WASF1: variants seen among roughly 807,000 people sequenced by gnomAD.
WASF1 encodes WASP family member 1, also known as actin-binding protein WASF1.
Under a neutral mutation model 50.5 loss-of-function variants are expected in WASF1, and 7 were observed. The ratio of observed to expected loss-of-function variants is 0.14; its 90% CI spans 0.08 to 0.26. The LOEUF (loss-of-function observed/expected upper bound fraction) is 0.26, where lower values mean the gene tolerates loss of function less well. WASF1 is among the 10% of genes least tolerant of loss of function. The pLI is 1.00. For missense variants in WASF1, 470 were observed against 694.7 expected, an observed-to-expected ratio of 0.68 and a Z score of 3.64; for synonymous variants, 205 against 244.0, an observed-to-expected ratio of 0.84 and a Z score of 1.49.
chr6:110,113,071 T>C (rs1478415182), intron 5 of WASF1, among the ~76,000 whole-genome samples: 1 of 152,066 alleles, frequency 6.6e-6, no homozygotes, highest in East Asian at 1.9e-4. Flanking sequence ...CTGGTTAAAA[T>C]GACTTCTTTA....
chr6:110,102,302 C>T (rs909690165), intron 9 of WASF1, 86 bp from the exon 10 acceptor site: 44 of 1,272,846 alleles, frequency 3.5e-5, no homozygotes, highest in East Asian at 8.5e-5. Flanking sequence ...AAATGACTAT[C>T]AGTAATTATA....
At chr6:110,123,087 A>T (rs78552405) in intron 4 of WASF1, among the ~76,000 whole-genome samples, 11,082 of 152,214 alleles carry the variant, frequency 0.073, 543 homozygotes, top group African/African-American at 0.14. Context: ...GTTAGAGAAG[A>T]TTATGATGTA....
chr6:110,160,958 C>T (rs9487310), intron 2 of WASF1, among the ~76,000 whole-genome samples: 2 of 151,170 alleles, frequency 1.3e-5, no homozygotes, highest in South Asian at 2.1e-4. Flanking sequence ...GAAATTATCT[C>T]GATGAAATAA....
At chr6:110,115,610 C>T (rs1041791738) in intron 4 of WASF1, among the ~76,000 whole-genome samples, 1 of 152,192 alleles carries the variant, frequency 6.6e-6, no homozygotes, top group Non-Finnish European at 1.5e-5. Flanking sequence ...CATGACAGCT[C>T]TAATTCAGGC....
intron 2 of WASF1, among the ~76,000 whole-genome samples, chr6:110,165,422 G>T (rs1253323008): frequency 6.6e-6 from 1 of 151,586 alleles, no homozygotes; most frequent in Non-Finnish European, 1.5e-5. Context: ...ACTTTCAAAT[G>T]ATTAAAATTG....
chr6:110,146,791 T>C (rs907541445), intron 3 of WASF1, among the ~76,000 whole-genome samples: 2 of 152,130 alleles, frequency 1.3e-5, no homozygotes, highest in African/African-American at 4.8e-5. Context: ...GTTTCTTGTG[T>C]AAAACCACCT....
At chr6:110,124,190 C>A (rs560438909) in intron 4 of WASF1, among the ~76,000 whole-genome samples, 50 of 108,808 alleles carry the variant, frequency 4.6e-4, no homozygotes, top group African/African-American at 1.7e-3. Context: ...GCCCCATCAG[C>A]GTCTCTCTCT....
At chr6:110,128,942 G>C (rs910273425) in intron 3 of WASF1, among the ~76,000 whole-genome samples, 7 of 152,294 alleles carry the variant, frequency 4.6e-5, no homozygotes, top group Admixed American at 4.6e-4. Flanking sequence ...AATGCCTGAT[G>C]ATCTGAGGTG....
chr6:110,134,323 C>T (rs1403876789), intron 3 of WASF1, among the ~76,000 whole-genome samples: 2 of 152,076 alleles, frequency 1.3e-5, no homozygotes, highest in African/African-American at 2.4e-5. Flanking sequence ...GTGTCCTTTC[C>T]CCACTTTATG....
At chr6:110,139,919 C>T (rs1053861254) in intron 3 of WASF1, among the ~76,000 whole-genome samples, 2 of 152,172 alleles carry the variant, frequency 1.3e-5, no homozygotes, top group African/African-American at 4.8e-5. Context: ...AATATGACCT[C>T]TCGCTCTCTC....
In WASF1 at chr6:110,142,952, T is replaced by TAAAAAAAAAAAAAAAAAAAAA. The variant is rs5879060; in HGVS notation, c.-28-15344_-28-15324dup. Among the ~76,000 whole-genome samples the TAAAAAAAAAAAAAAAAAAAAA allele has an allele frequency of 5.4e-4, 64 of 119,080 alleles. 1 individual carries two copies. The highest frequency in any genetic ancestry group is 1.8e-3 in the East Asian group (7 of 3,900). The allele number at this position is 119,080 out of a possible 152,430, so 78.1% of individuals were successfully genotyped here. The stretch of plus-strand genomic sequence containing the variant: ...AAAGTAATTTGGTTTCCCAATGATG[T>TAAAAAAAAAAAAAAAAAAAAA]AAAAAAAAAAAAAAAAAAAAACTAA... On this transcript the variant is annotated intron_variant, in intron 3 of 10. Coordinates refer to ENST00000392589, the MANE Select transcript of WASF1 (RefSeq NM_003931.3).
At chr6:110,158,803 C>T (rs1470376798) in intron 3 of WASF1, among the ~76,000 whole-genome samples, 1 of 151,918 alleles carries the variant, frequency 6.6e-6, no homozygotes. Flanking sequence ...TGGATGTCTA[C>T]TTTCTTCCCT....
intron 2 of WASF1, among the ~76,000 whole-genome samples, chr6:110,170,140 T>A (rs1776643169): frequency 6.6e-6 from 1 of 152,092 alleles, no homozygotes; most frequent in African/African-American, 2.4e-5. Flanking sequence ...GAAAGAAGTA[T>A]AATTGATATG....
At chr6:110,125,120 C>A (rs1460106444) in intron 4 of WASF1, among the ~76,000 whole-genome samples, 2 of 152,280 alleles carry the variant, frequency 1.3e-5, no homozygotes, top group East Asian at 3.9e-4. Flanking sequence ...TTATCTAATA[C>A]ATCAATTGTT....
intron 3 of WASF1, among the ~76,000 whole-genome samples, chr6:110,147,415 A>G (rs931268534): frequency 5.9e-5 from 9 of 152,168 alleles, no homozygotes; most frequent in African/African-American, 1.4e-4. Flanking sequence ...ATAGGCTACT[A>G]AAGTCGAAAA....
chr6:110,101,894 C>T lies in WASF1; in HGVS notation c.1216G>A (p.Val406Ile), dbSNP rs145292930. 6 of 1,613,114 alleles carry T rather than the reference C, an allele frequency of 3.7e-6. No individual in the cohort carries two copies. The African/African-American group carries it at 8.0e-5, about 22-fold the overall frequency. Residue 406 changes from valine to isoleucine, a missense_variant, in exon 10 of 11, where the codon GTA becomes ATA. By Grantham distance (29) the Val-to-Ile change is conservative. Coordinates refer to ENST00000392589, the MANE Select transcript of WASF1 (RefSeq NM_003931.3). ...PSPPVARAAP[V>I]CETVPVHPLP... ...GGATGAACTGGTACAGTCTCACATA[C>T]TGGGGCAGCTCTAGCTACTGGTGGA...
intron 3 of WASF1, among the ~76,000 whole-genome samples, chr6:110,139,577 T>C (rs149079611): frequency 1.9e-3 from 293 of 152,332 alleles, no homozygotes; most frequent in African/African-American, 6.7e-3. Context: ...TGGATTCTGA[T>C]TCTTTCAATT....
intron 2 of WASF1, among the ~76,000 whole-genome samples, chr6:110,173,912 A>G (rs1182527250): frequency 6.6e-5 from 10 of 152,196 alleles, no homozygotes; most frequent in Non-Finnish European, 1.0e-4. Flanking sequence ...AATAAACCAC[A>G]GAAATGAACA....
intron 3 of WASF1, among the ~76,000 whole-genome samples, chr6:110,138,746 GT>G (rs1336278079): frequency 6.6e-6 from 1 of 152,222 alleles, no homozygotes; most frequent in African/African-American, 2.4e-5. Context: ...TGAGTCTGAA[GT>G]TTTTATGGGC....
Sources: allele counts gnomAD v4.1 joint callset (sites outside exome capture counted in the v4.1 genomes callset), GRCh38; gene constraint gnomAD v4.1.1; transcripts MANE v1.5; gene names NCBI Gene and HGNC (gene_info 2026-07-23, HGNC 2026-07-21).